Variants in SNX29 observed in about 807,000 individuals in gnomAD.
SNX29 encodes the protein sorting nexin 29, also known as sorting nexin-29.
In SNX29, 78 loss-of-function variants were observed where a neutral mutation model predicts 102.1. That is an observed-to-expected ratio of 0.76 (90% confidence interval 0.64 to 0.92). SNX29 has a LOEUF of 0.92. Ranked by LOEUF, SNX29 falls within the 40% of genes least tolerant of loss-of-function variation. SNX29 has a pLI of 0.00. For synonymous variants in SNX29, 580 were observed against 414.5 expected (o/e 1.40, Z -4.85); for missense variants, 1,280 against 1,061.7 (o/e 1.21, Z -2.86).
chr16:12,516,651 C>G (rs2089879552), intron 19 of SNX29, among the ~76,000 whole-genome samples: 1 of 152,172 alleles, frequency 6.6e-6, no homozygotes, highest in African/African-American at 2.4e-5. Flanking sequence ...CTGCCTGCTA[C>G]TCCCGATAGA....
At chr16:12,384,977 C>A (rs1043539641) in intron 16 of SNX29, among the ~76,000 whole-genome samples, 2 of 152,168 alleles carry the variant, frequency 1.3e-5, no homozygotes, top group Non-Finnish European at 2.9e-5. Flanking sequence ...TCAAGACCAG[C>A]CTGACCAACA....
intron 20 of SNX29, among the ~76,000 whole-genome samples, chr16:12,540,020 T>A (rs1043794007): frequency 1.3e-5 from 2 of 152,242 alleles, no homozygotes; most frequent in African/African-American, 4.8e-5. Flanking sequence ...GCATGACACC[T>A]TTTTAATTTT....
At chr16:12,561,594 G>T (rs958862582) in intron 20 of SNX29, among the ~76,000 whole-genome samples, 8 of 152,048 alleles carry the variant, frequency 5.3e-5, no homozygotes, top group African/African-American at 1.7e-4. Flanking sequence ...GCCGCATGCT[G>T]GTGACAGGAC....
intron 15 of SNX29, among the ~76,000 whole-genome samples, chr16:12,325,865 A>C (rs2081097007): frequency 1.3e-5 from 2 of 151,946 alleles, no homozygotes; most frequent in African/African-American, 4.8e-5. Flanking sequence ...TGTCTCTAAA[A>C]ATTTTTTAAA....
intron 11 of SNX29, among the ~76,000 whole-genome samples, chr16:12,120,392 C>CTATG (rs1241391338): frequency 1.3e-5 from 2 of 152,196 alleles, no homozygotes; most frequent in Non-Finnish European, 2.9e-5. Flanking sequence ...TTGCACAGAT[C>CTATG]TATGTATATA....
At position 12,440,873 on chromosome 16, in the gene SNX29, C is replaced by A. The variant is rs150401911; in HGVS notation, c.2038-36846C>A. On this transcript the variant is annotated intron_variant, in intron 18 of 20. Coordinates refer to ENST00000566228, the MANE Select transcript of SNX29 (RefSeq NM_032167.5). ...CATTGAGGTGGATTCCACGTCTTTG[C>A]TATTGTGAATAGTACTGCAGTGAAT... 3.9e-5 allele frequency among the ~76,000 whole-genome samples: 6 copies of A among 152,266 alleles called. No individual in the cohort carries two copies. In the East Asian group the frequency reaches 1.2e-3, roughly 29 times the overall value.
intron 3 of SNX29, among the ~76,000 whole-genome samples, chr16:12,017,756 A>G (rs942604819): frequency 6.6e-6 from 1 of 151,766 alleles, no homozygotes; most frequent in African/African-American, 2.4e-5. Context: ...ACAGGAATTT[A>G]TCCTTATTTT....
At position 12,048,209 on chromosome 16, in the gene SNX29, G is replaced by A. The variant is rs182842865; in HGVS notation, c.500-163G>A. 1.3e-4 allele frequency among the ~76,000 whole-genome samples: 19 copies of A among 151,312 alleles called. No individual in the cohort carries two copies. In the East Asian group the frequency reaches 1.8e-3, roughly 14 times the overall value. ...GTCACCCAGGCTGGAGTGCAGTGGC[G>A]CGATTTTCGCTCCCTGCAACGTCCG... On this transcript the variant is annotated intron_variant, in intron 6 of 20. Transcript: ENST00000566228.
chr16:12,119,297 C>G (rs144503593), intron 11 of SNX29, among the ~76,000 whole-genome samples: 1 of 152,294 alleles, frequency 6.6e-6, no homozygotes, highest in Non-Finnish European at 1.5e-5. Flanking sequence ...GGATGCCTGC[C>G]TTAAGGATTC....
At chr16:12,376,998 G>A (rs2082899114) in intron 16 of SNX29, among the ~76,000 whole-genome samples, 1 of 152,080 alleles carries the variant, frequency 6.6e-6, no homozygotes, top group Non-Finnish European at 1.5e-5. Flanking sequence ...TGGTTCTGGG[G>A]TTTTCTAACC....
intron 1 of SNX29, among the ~76,000 whole-genome samples, chr16:11,978,896 G>A (rs2055358395): frequency 6.6e-6 from 1 of 151,938 alleles, no homozygotes; most frequent in Non-Finnish European, 1.5e-5. Context: ...CTGCACTCCA[G>A]CCTGGGCGAC....
intron 15 of SNX29, among the ~76,000 whole-genome samples, chr16:12,351,617 G>A (rs757480983): frequency 2.6e-5 from 4 of 152,178 alleles, no homozygotes; most frequent in Non-Finnish European, 5.9e-5. Flanking sequence ...GATTTGGCAG[G>A]TAATTATGAT....
chr16:12,303,994 C>T (rs1264771712), intron 15 of SNX29, among the ~76,000 whole-genome samples: 4 of 152,134 alleles, frequency 2.6e-5, no homozygotes, highest in African/African-American at 4.8e-5. Flanking sequence ...GGGGATACAG[C>T]CTGTTGAAAA....
chr16:12,045,414 C>A (rs1015365124), intron 5 of SNX29, among the ~76,000 whole-genome samples: 8 of 151,912 alleles, frequency 5.3e-5, no homozygotes, highest in African/African-American at 7.3e-5. Context: ...ACAGAGAGAG[C>A]TTGCAAGTTG....
intron 1 of SNX29, among the ~76,000 whole-genome samples, chr16:11,987,374 C>T (rs1026201005): frequency 6.7e-6 from 1 of 148,896 alleles, no homozygotes; most frequent in Admixed American, 6.8e-5. Context: ...CCGGCCTGGG[C>T]AGATTTTTGA....
chr16:12,515,264 T>C (rs1017794280), intron 19 of SNX29, among the ~76,000 whole-genome samples: 20 of 152,290 alleles, frequency 1.3e-4, no homozygotes, highest in Non-Finnish European at 1.8e-4. Context: ...GCATGTCTTT[T>C]CCAGCTGACT....
At chr16:12,428,749 C>T (rs1322144934) in intron 18 of SNX29, among the ~76,000 whole-genome samples, 1 of 152,152 alleles carries the variant, frequency 6.6e-6, no homozygotes, top group East Asian at 1.9e-4. Context: ...GATACTATTG[C>T]AATTAATATC....
At chr16:12,511,353 C>T (rs1300320972) in intron 19 of SNX29, among the ~76,000 whole-genome samples, 1 of 152,118 alleles carries the variant, frequency 6.6e-6, no homozygotes, top group Non-Finnish European at 1.5e-5. Flanking sequence ...TCTCTTGGAG[C>T]CTCAGTTTAT....
At chr16:12,557,767 T>C (rs1394988970) in intron 20 of SNX29, 1 of 152,204 alleles carries the variant, frequency 6.6e-6, no homozygotes, top group Non-Finnish European at 1.5e-5. Context: ...AAGCAACAGA[T>C]ATTTTTCAGC....
Sources: allele counts gnomAD v4.1 joint callset (sites outside exome capture counted in the v4.1 genomes callset), GRCh38; gene constraint gnomAD v4.1.1; transcripts MANE v1.5; gene names NCBI Gene and HGNC (gene_info 2026-07-23, HGNC 2026-07-21).